DNM2: variants seen among roughly 807,000 people sequenced by gnomAD.
The protein encoded by DNM2 is dynamin 2.
Under a neutral mutation model 99.0 loss-of-function variants are expected in DNM2, and 15 were observed. That is an observed-to-expected ratio of 0.15 (90% confidence interval 0.10 to 0.23). DNM2 has a LOEUF of 0.23. Ranked by LOEUF, DNM2 falls within the 10% of genes least tolerant of loss-of-function variation. The pLI, the probability that DNM2 is intolerant of heterozygous loss-of-function variation, is 1.00. For synonymous variants in DNM2, 525 were observed against 481.2 expected, an observed-to-expected ratio of 1.09 and a Z score of -1.19; for missense variants, 742 against 1,189.4, an observed-to-expected ratio of 0.62 and a Z score of 5.53.
chr19:10,796,031 T>G lies in DNM2; in HGVS notation c.1196+592T>G. 1 of 1,612,552 alleles carries G rather than the reference T, an allele frequency of 6.2e-7. No homozygotes were observed. ...ATGCTTTGTTTCTCTCTGACTTATCTCCCCTGCCCCCGGGTCTGGACGGTT... is the reference window on the plus strand; with the variant it reads ...ATGCTTTGTTTCTCTCTGACTTATCGCCCCTGCCCCCGGGTCTGGACGGTT... On this transcript the variant is annotated intron_variant, in intron 9 of 20. Coordinates refer to ENST00000389253, the MANE Select transcript of DNM2 (RefSeq NM_001005361.3). The surrounding 1 kb of genome is among the most constrained non-coding windows in gnomAD (Gnocchi z 5.6).
At chr19:10,776,956 C>T (rs929451268) in intron 4 of DNM2, among the ~76,000 whole-genome samples, 162 bp from the exon 5 acceptor site, 3 of 152,192 alleles carry the variant, frequency 2.0e-5, no homozygotes, top group Non-Finnish European at 2.9e-5. Flanking sequence ...CATCTTCATT[C>T]GACATGTCGG....
chr19:10,718,084 C>G lies in DNM2; in HGVS notation c.-159C>G. The G allele has an allele frequency of 1.1e-6, 1 of 879,988 alleles. No homozygotes were observed. Among genetic ancestry groups the G allele is most frequent in the South Asian group, 4.2e-5 (1 of 23,978 alleles). 54.5% of individuals were successfully genotyped at this position (879,988 alleles called of 1,614,324 possible). A position where few individuals can be genotyped will look rare whatever the true frequency, so the allele number is the denominator to read the frequency against. ...GCTCGGGTCGGGTGTCGCCTGAGAA[C>G]CGGATGAGGCGGCGACCGTGAGGCC... On this transcript the variant is annotated 5_prime_UTR_variant, in exon 1 of 21. Coordinates refer to ENST00000389253, the MANE Select transcript of DNM2 (RefSeq NM_001005361.3).
At chr19:10,805,488 A>G (rs1473555798) in intron 12 of DNM2, among the ~76,000 whole-genome samples, 1 of 152,196 alleles carries the variant, frequency 6.6e-6, no homozygotes, top group East Asian at 1.9e-4. Context: ...ATCAAAAATT[A>G]GCTGAGCATG....
intron 1 of DNM2, among the ~76,000 whole-genome samples, chr19:10,738,199 A>T (rs2069600061): frequency 6.6e-6 from 1 of 151,970 alleles, no homozygotes; most frequent in African/African-American, 2.4e-5. Context: ...TGGAGGTTGC[A>T]GTGAGCCAAG....
intron 5 of DNM2, 130 bp from the exon 6 acceptor site, chr19:10,782,830 A>G: frequency 1.6e-6 from 2 of 1,274,512 alleles, no homozygotes; most frequent in Non-Finnish European, 2.3e-6. Context: ...GTTTCTGAGT[A>G]ACATGTTATG....
At chr19:10,803,690 C>T (rs1230812488) in intron 12 of DNM2, 91 of 986,242 alleles carry the variant, frequency 9.2e-5, no homozygotes, top group Non-Finnish European at 1.0e-4. Flanking sequence ...CTGCTGTGTG[C>T]CTTTGCCCTG....
At chr19:10,798,162 T>C (rs560233921) in intron 10 of DNM2, among the ~76,000 whole-genome samples, 1 of 152,316 alleles carries the variant, frequency 6.6e-6, no homozygotes, top group African/African-American at 2.4e-5. Flanking sequence ...CACCCAGTGC[T>C]GGGCAAGAGG....
intron 15 of DNM2, among the ~76,000 whole-genome samples, chr19:10,813,712 G>A (rs2072631714): frequency 6.6e-6 from 1 of 152,002 alleles, no homozygotes; most frequent in South Asian, 2.1e-4. Context: ...TGTAGTCCCA[G>A]CTACTCAGGA....
intron 3 of DNM2, among the ~76,000 whole-genome samples, chr19:10,773,001 A>G: frequency 7.7e-6 from 1 of 129,564 alleles, no homozygotes; most frequent in African/African-American, 2.9e-5. Flanking sequence ...TTTTTTTGAG[A>G]CAGAGTCTTG....
At chr19:10,769,639 G>A (rs910337981) in intron 2 of DNM2, among the ~76,000 whole-genome samples, 1 of 152,120 alleles carries the variant, frequency 6.6e-6, no homozygotes, top group African/African-American at 2.4e-5. Flanking sequence ...GGGGTTGGGA[G>A]CTGTTCCATT....
chr19:10,830,589 G>A lies in DNM2; in HGVS notation c.2543+211G>A. The stretch of plus-strand genomic sequence containing the variant: ...AGTAGCGGAGCCCTGGTGACTCCGG[G>A]GCTCCCAGCTTGCCCTCTGCCTACT... On this transcript the variant is annotated intron_variant, in intron 20 of 20. Coordinates refer to ENST00000389253, the MANE Select transcript of DNM2 (RefSeq NM_001005361.3). This position sits in a 1 kb window ranked among gnomAD's most constrained non-coding sequence, Gnocchi z 4.8. 1.5e-6 allele frequency: 1 copy of A among 659,590 alleles called. No homozygotes were observed. The highest frequency in any genetic ancestry group is 2.5e-6 in the Non-Finnish European group (1 of 393,160). The allele number at this position is 659,590 out of a possible 1,614,324, so 40.9% of individuals were successfully genotyped here.
chr19:10,764,870 C>T lies in DNM2; in HGVS notation c.235+5059C>T, dbSNP rs1220615012. On this transcript the variant is annotated intron_variant, in intron 2 of 20. Coordinates refer to ENST00000389253, the MANE Select transcript of DNM2 (RefSeq NM_001005361.3). This position sits in a 1 kb window ranked among gnomAD's most constrained non-coding sequence, Gnocchi z 4.1. The stretch of plus-strand genomic sequence containing the variant: ...GGAACGCCCTGTTCCCTACCTGCCA[C>T]TGTCTGCTGCTCACCCGCACCTGGT... 6.6e-6 allele frequency among the ~76,000 whole-genome samples: 1 copy of T among 152,222 alleles called. No homozygotes were observed. Among genetic ancestry groups the T allele is most frequent in the Admixed American group, 6.5e-5 (1 of 15,280 alleles).
At position 10,816,274 on chromosome 19, in the gene DNM2, C is replaced by T. The variant is rs1436466607; in HGVS notation, c.1672-3706C>T. Reference sequence around the variant, plus strand: ...CATTGGGGGTGAAAGGATCATCCCGCTCCACATGAGGCCAGACGCTCATCT... The same window carrying T: ...CATTGGGGGTGAAAGGATCATCCCGTTCCACATGAGGCCAGACGCTCATCT... On this transcript the variant is annotated intron_variant, in intron 15 of 20. Coordinates refer to ENST00000389253, the MANE Select transcript of DNM2 (RefSeq NM_001005361.3). This position sits in a 1 kb window ranked among gnomAD's most constrained non-coding sequence, Gnocchi z 4.6. Among the ~76,000 whole-genome samples, 1 of 152,134 alleles carries T rather than the reference C, an allele frequency of 6.6e-6. No individual in the cohort carries two copies. The highest frequency in any genetic ancestry group is 1.5e-5 in the Non-Finnish European group (1 of 68,018).
Position 10,795,813 on chromosome 19 carries a change from C to T in DNM2, c.1196+374C>T, listed in dbSNP as rs2071911514. On this transcript the variant is annotated intron_variant, in intron 9 of 20. Coordinates refer to ENST00000389253, the MANE Select transcript of DNM2 (RefSeq NM_001005361.3). This position sits in a 1 kb window ranked among gnomAD's most constrained non-coding sequence, Gnocchi z 4.2. ...CCAGCATGAGTCCCCATCATGGCTT[C>T]CTCGTGAGCCTCTTGGGTCCCCTCC... 2 of 616,692 alleles carry T rather than the reference C, an allele frequency of 3.2e-6. No homozygotes were observed. Among genetic ancestry groups the T allele is most frequent in the East Asian group, 2.8e-5 (1 of 35,118 alleles). 38.2% of individuals were successfully genotyped at this position (616,692 alleles called of 1,614,324 possible). A position where few individuals can be genotyped will look rare whatever the true frequency, so the allele number is the denominator to read the frequency against.
intron 2 of DNM2, among the ~76,000 whole-genome samples, chr19:10,766,970 G>A (rs1382073444): frequency 1.3e-5 from 2 of 152,128 alleles, no homozygotes; most frequent in Non-Finnish European, 2.9e-5. Flanking sequence ...TGACAGTGGG[G>A]GTGTGTGTGG....
At chr19:10,829,011 G>T in intron 18 of DNM2, 25 bp from the exon 19 acceptor site, 1 of 1,606,994 alleles carries the variant, frequency 6.2e-7, no homozygotes, top group Non-Finnish European at 8.5e-7. Flanking sequence ...ACACAAGCCT[G>T]ACCCTCCCCA....
chr19:10,779,427 C>A (rs2071268087), intron 5 of DNM2, among the ~76,000 whole-genome samples: 1 of 150,638 alleles, frequency 6.6e-6, no homozygotes, highest in African/African-American at 2.4e-5. Context: ...CCACCCCACC[C>A]CACATCCATG....
At chr19:10,743,325 A>C (rs1008574957) in intron 1 of DNM2, among the ~76,000 whole-genome samples, 5 of 151,766 alleles carry the variant, frequency 3.3e-5, no homozygotes, top group African/African-American at 1.2e-4. Flanking sequence ...TGTGGAGCTG[A>C]TGCTCTAGCT....
intron 18 of DNM2, 42 bp downstream of exon 18, chr19:10,825,263 G>A (rs764302429): frequency 9.9e-6 from 16 of 1,609,890 alleles, no homozygotes; most frequent in South Asian, 2.2e-5. Context: ...AGCTGGGTGC[G>A]GTGGCTCACG....
Sources: gnomAD v4.1 joint callset for allele counts (sites outside exome capture counted in the v4.1 genomes callset) on GRCh38, gnomAD v4.1.1 for gene constraint, Gnocchi (gnomAD v3.1) non-coding constraint, MANE v1.5 for transcripts, NCBI Gene and HGNC (gene_info 2026-07-23, HGNC 2026-07-21) for gene names.